Variants in DPYD observed in about 807,000 individuals in gnomAD.
DPYD encodes the protein dihydropyrimidine dehydrogenase, also known as dihydropyrimidine dehydrogenase [NADP(+)].
DPYD carries 109 observed loss-of-function variants against 116.2 expected under a neutral mutation model. The observed-to-expected ratio is 0.94, with a 90% CI of 0.80 to 1.10. The LOEUF (loss-of-function observed/expected upper bound fraction) is 1.10, where lower values mean the gene tolerates loss of function less well. DPYD is among the 50% of genes least tolerant of loss of function. DPYD has a pLI of 0.00. For missense variants in DPYD, 1,302 were observed against 1,254.5 expected, an observed-to-expected ratio of 1.04 and a Z score of -0.57; for synonymous variants, 440 against 432.0, an observed-to-expected ratio of 1.02 and a Z score of -0.23.
chr1:97,378,557 TACCTGACTTAAAATCATCATC>T (rs1671764254), intron 15 of DPYD, among the ~76,000 whole-genome samples: 1 of 152,184 alleles, frequency 6.6e-6, no homozygotes, highest in Non-Finnish European at 1.5e-5. Context: ...TCTCATCAGG[TACCTGACTTAAAATCATCATC>T]ACTGGATTTT....
At chr1:97,905,831 T>C (rs1673587707) in intron 1 of DPYD, among the ~76,000 whole-genome samples, 1 of 152,102 alleles carries the variant, frequency 6.6e-6, no homozygotes, top group South Asian at 2.1e-4. Flanking sequence ...TGATTCCTAA[T>C]TTTCATGTCA....
intron 20 of DPYD, among the ~76,000 whole-genome samples, chr1:97,133,284 T>G (rs1376378900): frequency 2.0e-5 from 3 of 152,064 alleles, no homozygotes; most frequent in African/African-American, 7.2e-5. Flanking sequence ...GATAAATATA[T>G]TTTTGGTCTT....
chr1:97,158,820 T>A (rs1159732427), intron 20 of DPYD, among the ~76,000 whole-genome samples: 1 of 152,150 alleles, frequency 6.6e-6, no homozygotes, highest in Non-Finnish European at 1.5e-5. Context: ...ATCTGAGCTA[T>A]GCATGTGCTT....
intron 8 of DPYD, among the ~76,000 whole-genome samples, chr1:97,632,200 G>A (rs1267894504): frequency 2.6e-5 from 4 of 152,042 alleles, no homozygotes; most frequent in Non-Finnish European, 2.9e-5. Flanking sequence ...AATGTATTCT[G>A]GCTGGCTGCC....
At chr1:97,448,638 A>C (rs1479389911) in intron 14 of DPYD, among the ~76,000 whole-genome samples, 1 of 142,796 alleles carries the variant, frequency 7.0e-6, no homozygotes, top group South Asian at 2.2e-4. Flanking sequence ...TTTAGTCCTT[A>C]TCATTCTGAG....
chr1:97,116,994 CA>C (rs397784957), intron 20 of DPYD, among the ~76,000 whole-genome samples: 3,529 of 107,164 alleles, frequency 0.033, 66 homozygotes, highest in African/African-American at 0.078. Context: ...ACTAAAAATA[CA>C]AAAAAAAAAA....
At chr1:97,216,140 G>A (rs779743259) in intron 19 of DPYD, among the ~76,000 whole-genome samples, 25 of 152,040 alleles carry the variant, frequency 1.6e-4, no homozygotes, top group Admixed American at 9.2e-4. Context: ...ATTTCCCACA[G>A]TGAGATGACT....
At chr1:97,814,177 G>T (rs1338868035) in intron 3 of DPYD, among the ~76,000 whole-genome samples, 1 of 152,140 alleles carries the variant, frequency 6.6e-6, no homozygotes, top group Non-Finnish European at 1.5e-5. Context: ...GTAAGAAGGA[G>T]CCCAGGTAAG....
chr1:97,284,633 T>C (rs12726453), intron 18 of DPYD, among the ~76,000 whole-genome samples: 90,309 of 151,854 alleles, frequency 0.59, 27,082 homozygotes, highest in South Asian at 0.71. Context: ...CAATTTCATT[T>C]ATGAATATAA....
At chr1:97,566,378 G>T (rs1208227618) in intron 11 of DPYD, among the ~76,000 whole-genome samples, 1 of 152,044 alleles carries the variant, frequency 6.6e-6, no homozygotes, top group Non-Finnish European at 1.5e-5. Context: ...GGTCCTTCTA[G>T]CACATTCAGA....
At chr1:97,471,574 G>A (rs1677656261) in intron 13 of DPYD, among the ~76,000 whole-genome samples, 2 of 151,348 alleles carry the variant, frequency 1.3e-5, no homozygotes, top group Admixed American at 6.6e-5. Context: ...ATTAGTATGG[G>A]ATGTGATCGT....
intron 18 of DPYD, among the ~76,000 whole-genome samples, chr1:97,295,019 T>C (rs1050404837): frequency 6.6e-6 from 1 of 152,210 alleles, no homozygotes; most frequent in African/African-American, 2.4e-5. Context: ...TAGACAGATA[T>C]GACAGATGTT....
chr1:97,134,013 AAATATAT>A (rs1653568681), intron 20 of DPYD, among the ~76,000 whole-genome samples: 1 of 18,796 alleles, frequency 5.3e-5, no homozygotes, highest in African/African-American at 2.0e-4. Context: ...AAAAAAAAAA[AAATATAT>A]ATATATATAT....
At chr1:97,206,601 C>T (rs1040441651) in intron 19 of DPYD, among the ~76,000 whole-genome samples, 6 of 132,836 alleles carry the variant, frequency 4.5e-5, no homozygotes, top group Admixed American at 8.6e-5. Context: ...ACCACTACTA[C>T]GAAGGCAACT....
chr1:97,614,423 CCCA>C (rs1014269940), intron 8 of DPYD, among the ~76,000 whole-genome samples: 1 of 151,886 alleles, frequency 6.6e-6, no homozygotes, highest in Non-Finnish European at 1.5e-5. Context: ...GTTGATTTCC[CCCA>C]CAAGTTTGAC....
At chr1:97,732,214 G>C (rs952344797) in intron 4 of DPYD, among the ~76,000 whole-genome samples, 4 of 151,916 alleles carry the variant, frequency 2.6e-5, no homozygotes, top group African/African-American at 9.7e-5. Flanking sequence ...AATGAGCCGG[G>C]AGCTGTAATC....
chr1:97,627,817 T>C (rs1463318527), intron 8 of DPYD, among the ~76,000 whole-genome samples: 1 of 151,358 alleles, frequency 6.6e-6, no homozygotes, highest in African/African-American at 2.4e-5. Context: ...ACTAATAGTA[T>C]TATATATTAA....
At chr1:97,287,634 C>T (rs1214511774) in intron 18 of DPYD, among the ~76,000 whole-genome samples, 12 of 152,106 alleles carry the variant, frequency 7.9e-5, no homozygotes, top group Non-Finnish European at 1.6e-4. Flanking sequence ...TGGGTAATGG[C>T]GAGCACCCCT....
intron 1 of DPYD, among the ~76,000 whole-genome samples, chr1:97,888,719 A>G (rs1312411388): frequency 6.6e-6 from 1 of 152,062 alleles, no homozygotes; most frequent in Non-Finnish European, 1.5e-5. Context: ...GAGAAGTGGG[A>G]TAAGACATAC....
Sources: gnomAD v4.1 joint callset for allele counts (sites outside exome capture counted in the v4.1 genomes callset) on GRCh38, gnomAD v4.1.1 for gene constraint, MANE v1.5 for transcripts, NCBI Gene and HGNC (gene_info 2026-07-23, HGNC 2026-07-21) for gene names.